The following SLC35A4 variants were observed in gnomAD, a reference collection of about 807,000 sequenced individuals.
SLC35A4 encodes probable UDP-sugar transporter protein SLC35A4.
SLC35A4 carries 9 observed loss-of-function variants against 18.8 expected under a neutral mutation model. That is an observed-to-expected ratio of 0.48 (90% CI 0.29 to 0.83). SLC35A4 has a LOEUF of 0.83. SLC35A4 is among the 40% of genes least tolerant of loss of function. The pLI, the probability that SLC35A4 is intolerant of heterozygous loss-of-function variation, is 0.09. For synonymous variants in SLC35A4, 189 were observed against 191.9 expected, an observed-to-expected ratio of 0.98 and a Z score of 0.13; for missense variants, 404 against 415.5, an observed-to-expected ratio of 0.97 and a Z score of 0.24.
Position 140,567,267 on chromosome 5 carries a change from A to C in SLC35A4, c.98A>C (p.His33Pro). The C allele has an allele frequency of 6.2e-7, 1 of 1,614,202 alleles. No homozygotes were observed. The highest frequency in any genetic ancestry group is 1.1e-5 in the South Asian group (1 of 91,090). ...CTATCCACTGCCATGTACGGTGCCC[A>C]TGCCCCATTGCTGGCACTGTGCCAT... ...LLLSTAMYGAHAPLLALCHVD... is the reference protein window; with the variant it reads ...LLLSTAMYGAPAPLLALCHVD... The change falls in exon 3 of 3, where the codon CAT (histidine) becomes CCT (proline). Residue 33 changes from histidine to proline, a missense_variant. Physicochemically the swap from His to Pro is moderately conservative, Grantham distance 77 (BLOSUM62 -2). Transcript: ENST00000323146.
rs372266952 is a variant in SLC35A4 at position 140,567,241 on chromosome 5, C to T, written c.72C>T (p.Leu24=). ...AGGCCCGCTGGACCCTGATGCTACT[C>T]CTATCCACTGCCATGTACGGTGCCC... ...PRQARWTLML[L]LSTAMYGAHA... is the part of the protein sequence containing the mutation. The change falls in exon 3 of 3, where the codon CTC becomes CTT. Residue 24 remains leucine (L), a synonymous_variant. Coordinates refer to ENST00000323146, the MANE Select transcript of SLC35A4 (RefSeq NM_080670.4). The T allele has an allele frequency of 6.2e-7, 1 of 1,614,202 alleles. No individual in the cohort carries two copies.
In SLC35A4 at chr5:140,567,742, C is replaced by G. The variant is rs760501775; in HGVS notation, c.573C>G (p.Leu191=). Residue 191 remains leucine, a synonymous_variant, in exon 3 of 3, where the codon CTC becomes CTG. Coordinates refer to ENST00000323146, the MANE Select transcript of SLC35A4 (RefSeq NM_080670.4). ...ATATCACTCCGCTAGGCCTGCTGCT[C>G]CTCATTCTGTACTGCCTCATCTCAG... The part of the protein sequence containing the change: ...PLHITPLGLL[L]LILYCLISGL... The G allele has an allele frequency of 1.9e-6, 3 of 1,614,176 alleles. No individual in the cohort carries two copies. The highest frequency in any genetic ancestry group is 2.5e-6 in the Non-Finnish European group (3 of 1,180,046).
Position 140,567,473 on chromosome 5 carries a change from C to G in SLC35A4, c.304C>G (p.Leu102Val), listed in dbSNP as rs1166122073. 6 of 1,614,054 alleles carry G rather than the reference C, an allele frequency of 3.7e-6. No homozygotes were observed. The Admixed American group carries it at 8.3e-5, about 22-fold the overall frequency. The change falls in exon 3 of 3, where the codon CTG (leucine) becomes GTG (valine). Residue 102 changes from leucine to valine, a missense_variant. Physicochemically the swap from Leu to Val is conservative, Grantham distance 32. Transcript: ENST00000323146. ...CCTGCTCTATGGCGCTAACAACAACCTGGTGATCTATCTTCAGCGTTACAT... is the reference window on the plus strand; with the variant it reads ...CCTGCTCTATGGCGCTAACAACAACGTGGTGATCTATCTTCAGCGTTACAT... ...SALLYGANNN[L>V]VIYLQRYMDP... is the part of the protein sequence containing the mutation.
At position 140,567,935 on chromosome 5, in the gene SLC35A4, G is replaced by A. The variant is rs140885624; in HGVS notation, c.766G>A (p.Val256Met). The change falls in exon 3 of 3, where the codon GTG becomes ATG. Residue 256 changes from valine to methionine, a missense_variant. Val to Met is a conservative substitution (Grantham distance 21). Transcript: ENST00000323146. ...LEGFSGWAAL[V>M]VLSQALNGLL... is the part of the protein sequence containing the mutation. ...AGGTTTCTCAGGATGGGCAGCACTC[G>A]TGGTGCTGAGCCAGGCACTAAATGG... 2,493 of 1,614,192 alleles carry A rather than the reference G, an allele frequency of 1.5e-3. 5 individuals carry two copies. The highest frequency in any genetic ancestry group is 4.9e-3 in the Middle Eastern group (30 of 6,062).
intron 2 of SLC35A4, 46 bp downstream of exon 2, chr5:140,566,017 A>G: frequency 2.5e-6 from 1 of 398,844 alleles, no homozygotes; most frequent in Non-Finnish European, 4.4e-6. Flanking sequence ...TTATTGCCCA[A>G]CATGCTCTTG....
rs780816848 is a variant in SLC35A4 at position 140,567,419 on chromosome 5, C to T, written c.250C>T (p.Arg84Cys). Reference protein sequence around the residue: ...QAWPQGPPPWRQAAPFALSAL... With the variant: ...QAWPQGPPPWCQAAPFALSAL... ...ATGGCCCCAGGGGCCCCCACCCTGG[C>T]GCCAGGCTGCTCCCTTCGCACTATC... Residue 84 changes from arginine to cysteine, a missense_variant, in exon 3 of 3, where the codon CGC becomes TGC. By Grantham distance (180) the Arg-to-Cys change is radical. Transcript: ENST00000323146. 20 of 1,614,020 alleles carry T rather than the reference C, an allele frequency of 1.2e-5. No individual in the cohort carries two copies. The East Asian group carries it at 1.8e-4, about 14-fold the overall frequency.
intron 1 of SLC35A4, 144 bp downstream of exon 1, chr5:140,565,002 C>T: frequency 2.5e-6 from 1 of 399,158 alleles, no homozygotes; most frequent in East Asian, 3.6e-5. Flanking sequence ...ACTGCCTCAA[C>T]AGTGTGGAGT....
At position 140,568,092 on chromosome 5, in the gene SLC35A4, T is replaced by C; in HGVS notation, c.923T>C (p.Leu308Pro). 1 of 1,613,952 alleles carries C rather than the reference T, an allele frequency of 6.2e-7. No homozygotes were observed. Among genetic ancestry groups the C allele is most frequent in the Non-Finnish European group, 8.5e-7 (1 of 1,180,042 alleles). The change falls in exon 3 of 3, where the codon CTG becomes CCG. Residue 308 changes from leucine to proline, a missense_variant. Transcript: ENST00000323146. ...LRLQLTAAFFLATLLIGLAMR... is the reference protein window; with the variant it reads ...LRLQLTAAFFPATLLIGLAMR... ...CTGCAGCTCACAGCCGCCTTCTTCC[T>C]GGCCACATTGCTCATTGGCCTGGCC...
At position 140,568,106 on chromosome 5, in the gene SLC35A4, A is replaced by G; in HGVS notation, c.937A>G (p.Ile313Val). 6.2e-7 allele frequency: 1 copy of G among 1,613,712 alleles called. No homozygotes were observed. The highest frequency in any genetic ancestry group is 8.5e-7 in the Non-Finnish European group (1 of 1,180,018). ...TAAFFLATLL[I>V]GLAMRLYYGS... is the part of the protein sequence containing the mutation. ...CGCCTTCTTCCTGGCCACATTGCTCATTGGCCTGGCCATGCGCCTGTACTA... is the reference window on the plus strand; with the variant it reads ...CGCCTTCTTCCTGGCCACATTGCTCGTTGGCCTGGCCATGCGCCTGTACTA... Residue 313 changes from isoleucine to valine, a missense_variant, in exon 3 of 3, where the codon ATT becomes GTT. By Grantham distance (29) the Ile-to-Val change is conservative. Coordinates refer to ENST00000323146, the MANE Select transcript of SLC35A4 (RefSeq NM_080670.4).
chr5:140,568,150 G>C lies in SLC35A4; in HGVS notation c.*6G>C, dbSNP rs764425197. The C allele has an allele frequency of 1.2e-6, 2 of 1,613,756 alleles. No individual in the cohort carries two copies. The highest frequency in any genetic ancestry group is 1.7e-6 in the Non-Finnish European group (2 of 1,180,044). Reference sequence around the variant, plus strand: ...TGTACTATGGCAGCCGCTAGTCCCTGACAACTTCCACCCTGATTCCGGACC... The same window carrying C: ...TGTACTATGGCAGCCGCTAGTCCCTCACAACTTCCACCCTGATTCCGGACC... On this transcript the variant is annotated 3_prime_UTR_variant, in exon 3 of 3. Coordinates refer to ENST00000323146, the MANE Select transcript of SLC35A4 (RefSeq NM_080670.4).
At position 140,568,497 on chromosome 5, in the gene SLC35A4, T is replaced by C; in HGVS notation, c.*353T>C. On this transcript the variant is annotated 3_prime_UTR_variant, in exon 3 of 3. Transcript: ENST00000323146. ...CCTGCATGAACAGAGTTGATGAAAG[T>C]GGGGTGTGGGCAACAAGTGGCTTTC... 3.3e-6 allele frequency: 1 copy of C among 301,936 alleles called. No individual in the cohort carries two copies. The highest frequency in any genetic ancestry group is 6.6e-6 in the Non-Finnish European group (1 of 150,548). 18.7% of individuals were successfully genotyped at this position (301,936 alleles called of 1,614,324 possible).
rs1278607098 is a variant in SLC35A4, at chr5:140,567,180, A to T, written c.11A>T (p.Glu4Val). The change falls in exon 3 of 3, where the codon GAG becomes GTG. Residue 4 changes from glutamate (E) to valine (V), a missense_variant. Glu to Val is a moderately radical substitution (Grantham distance 121). Transcript: ENST00000323146. MSV[E>V]DGGMPGLGRP... Reference sequence around the variant, plus strand: ...GGGTCTTGTGTGGGTATGAGTGTAGAGGATGGGGGTATGCCAGGCCTGGGC... The same window carrying T: ...GGGTCTTGTGTGGGTATGAGTGTAGTGGATGGGGGTATGCCAGGCCTGGGC... The T allele has an allele frequency of 6.2e-7, 1 of 1,614,172 alleles. No homozygotes were observed. Among genetic ancestry groups the T allele is most frequent in the Admixed American group, 1.7e-5 (1 of 60,028 alleles).
Position 140,567,097 on chromosome 5 carries a change from C to T in SLC35A4, c.-73C>T, listed in dbSNP as rs912451477. The T allele has an allele frequency of 8.1e-6, 13 of 1,608,836 alleles. 1 individual carries two copies. In the African/African-American group the frequency reaches 1.6e-4, roughly 20 times the overall value. ...ACGGCTTCTCCTTCCTGGGAGCTGG[C>T]TCCATAACTTGATTTTCCCCAAACG... On this transcript the variant is annotated 5_prime_UTR_variant, in exon 3 of 3. Transcript: ENST00000323146.
At position 140,567,603 on chromosome 5, in the gene SLC35A4, C is replaced by CGCT. The variant is rs753789173; in HGVS notation, c.445_447dup (p.Leu149dup). The CGCT allele has an allele frequency of 3.7e-6, 6 of 1,614,104 alleles. No individual in the cohort carries two copies. Among genetic ancestry groups the CGCT allele is most frequent in the African/African-American group, 2.7e-5 (2 of 74,946 alleles). On this transcript the variant is annotated inframe_insertion, in exon 3 of 3. Transcript: ENST00000323146. ...CGCCTCTCTGTGCGTCAGGGGTTAG[C>CGCT]GCTGCTGCTGCTGATGGCTGCGGGA...
chr5:140,566,682 G>T lies in SLC35A4; in HGVS notation c.-488G>T. ...TGTGGGCACCTGCACTGGCATCTAT[G>T]CGGCTCAGGCATATGCTGTGCCCAA... On this transcript the variant is annotated 5_prime_UTR_variant, in exon 3 of 3. The change abolishes an upstream ATG in the 5' untranslated region. Transcript: ENST00000323146. 1.9e-6 allele frequency: 1 copy of T among 525,396 alleles called. No individual in the cohort carries two copies. Among genetic ancestry groups the T allele is most frequent in the Non-Finnish European group, 3.4e-6 (1 of 297,964 alleles). The allele number at this position is 525,396 out of a possible 1,614,324, so 32.5% of individuals were successfully genotyped here. A position where few individuals can be genotyped will look rare whatever the true frequency, so the allele number is the denominator to read the frequency against.
chr5:140,568,182 A>T lies in SLC35A4; in HGVS notation c.*38A>T, dbSNP rs1220024721. 1.2e-6 allele frequency: 2 copies of T among 1,612,988 alleles called. No individual in the cohort carries two copies. Among genetic ancestry groups the T allele is most frequent in the Admixed American group, 1.7e-5 (1 of 59,968 alleles). On this transcript the variant is annotated 3_prime_UTR_variant, in exon 3 of 3. Coordinates refer to ENST00000323146, the MANE Select transcript of SLC35A4 (RefSeq NM_080670.4). ...TCCACCCTGATTCCGGACCCTGTAGATTGGGCGCCACCACCAGATCCCCCT... is the reference window on the plus strand; with the variant it reads ...TCCACCCTGATTCCGGACCCTGTAGTTTGGGCGCCACCACCAGATCCCCCT...
Position 140,567,971 on chromosome 5 carries a change from T to C in SLC35A4, c.802T>C (p.Ser268Pro). 6.2e-7 allele frequency: 1 copy of C among 1,614,196 alleles called. No homozygotes were observed. ...CCAGGCACTAAATGGACTGCTCATG[T>C]CTGCTGTCATGAAGCATGGCAGCAG... ...LSQALNGLLM[S>P]AVMKHGSSIT... is the part of the protein sequence containing the mutation. The change falls in exon 3 of 3, where the codon TCT becomes CCT. Residue 268 changes from serine to proline, a missense_variant. Transcript: ENST00000323146.
At position 140,567,646 on chromosome 5, in the gene SLC35A4, G is replaced by C. The variant is rs1755223035; in HGVS notation, c.477G>C (p.Gly159=). Residue 159 remains glycine, a synonymous_variant, in exon 3 of 3, where the codon GGG becomes GGC. Coordinates refer to ENST00000323146, the MANE Select transcript of SLC35A4 (RefSeq NM_080670.4). ...CTGCGGGAGCCTGCTATGCAGCAGG[G>C]GGCCTTCAAGTTCCCGGGAACACCC... is the stretch of plus-strand genomic sequence containing the variant. The part of the protein sequence containing the change: ...LMAAGACYAA[G]GLQVPGNTLP... 12 of 1,614,124 alleles carry C rather than the reference G, an allele frequency of 7.4e-6. No individual in the cohort carries two copies. The highest frequency in any genetic ancestry group is 1.0e-5 in the Non-Finnish European group (12 of 1,180,038).
In SLC35A4 at chr5:140,566,754, C is replaced by T. The variant is rs992343114; in HGVS notation, c.-416C>T. ...CTATTTGCAGTTGCTACGCAAGGGG[C>T]CCGACTAGCTCTAGGTGCCATGGAA... On this transcript the variant is annotated 5_prime_UTR_variant, in exon 3 of 3. Coordinates refer to ENST00000323146, the MANE Select transcript of SLC35A4 (RefSeq NM_080670.4). 1.0e-5 allele frequency: 6 copies of T among 594,916 alleles called. No homozygotes were observed. Among genetic ancestry groups the T allele is most frequent in the African/African-American group, 3.7e-5 (2 of 53,730 alleles). The allele number at this position is 594,916 out of a possible 1,614,324, so 36.9% of individuals were successfully genotyped here.
Sources: allele counts gnomAD v4.1 joint callset, GRCh38; gene constraint gnomAD v4.1.1; transcripts MANE v1.5; gene names NCBI Gene and HGNC (gene_info 2026-07-23, HGNC 2026-07-21).